Variants in GOLGA4 observed in about 807,000 individuals in gnomAD.
GOLGA4 encodes the protein golgin A4.
GOLGA4 carries 169 observed loss-of-function variants against 265.9 expected under a neutral mutation model. That is an observed-to-expected ratio of 0.64 (90% CI 0.56 to 0.72). The LOEUF (loss-of-function observed/expected upper bound fraction) is 0.72, where lower values mean the gene tolerates loss of function less well. Ranked by LOEUF, GOLGA4 falls within the 30% of genes least tolerant of loss-of-function variation. The probability of loss-of-function intolerance (pLI) is 0.00; values close to 1 mark genes in which losing one functional copy is unlikely to be tolerated. For missense variants in GOLGA4, 2,482 were observed against 2,483.4 expected (o/e 1.00, Z 0.01); for synonymous variants, 923 against 855.8 (o/e 1.08, Z -1.37).
At chr3:37,362,831 A>C (rs1428794390) in intron 23 of GOLGA4, among the ~76,000 whole-genome samples, 1 of 119,488 alleles carries the variant, frequency 8.4e-6, no homozygotes, top group Non-Finnish European at 1.6e-5. Flanking sequence ...CACCCAGGCT[A>C]GAGTGCAGTG....
rs750173994 is a variant in GOLGA4 at position 37,325,004 on chromosome 3, C to T, written c.3118C>T (p.Leu1040Phe). ...TCTTACTGAGGTTCATCGACGAGAACTCAATGATGTCATATCAATCTGGGA... is the reference window on the plus strand; with the variant it reads ...TCTTACTGAGGTTCATCGACGAGAATTCAATGATGTCATATCAATCTGGGA... ...ESLTEVHRRE[L>F]NDVISIWEKK... is the part of the protein sequence containing the mutation. Residue 1040 changes from leucine to phenylalanine, a missense_variant, in exon 14 of 24, where the codon CTC becomes TTC. Leu to Phe is a conservative substitution (Grantham distance 22). Coordinates refer to ENST00000361924, the MANE Select transcript of GOLGA4 (RefSeq NM_002078.5). 3 of 1,612,832 alleles carry T rather than the reference C, an allele frequency of 1.9e-6. No individual in the cohort carries two copies. In the East Asian group the frequency reaches 6.7e-5, roughly 36 times the overall value.
At chr3:37,267,102 G>A (rs759750219) in intron 2 of GOLGA4, among the ~76,000 whole-genome samples, 5 of 152,200 alleles carry the variant, frequency 3.3e-5, no homozygotes, top group Non-Finnish European at 5.9e-5. Flanking sequence ...GTAAATTGCT[G>A]AATTCTGATG....
At chr3:37,329,772 G>C (rs1409205467) in intron 16 of GOLGA4, among the ~76,000 whole-genome samples, 1 of 152,048 alleles carries the variant, frequency 6.6e-6, no homozygotes, top group Non-Finnish European at 1.5e-5. Flanking sequence ...TAGTACTTTG[G>C]ACTAACATTT....
At chr3:37,258,842 G>T (rs1425427202) in intron 2 of GOLGA4, among the ~76,000 whole-genome samples, 5 of 151,974 alleles carry the variant, frequency 3.3e-5, no homozygotes, top group Admixed American at 6.6e-5. Flanking sequence ...AATGTCACTT[G>T]TTTCTTGTAT....
rs1386524182 is a variant in GOLGA4, at chr3:37,326,352, A to G, written c.4466A>G (p.Asp1489Gly). 6 of 1,612,688 alleles carry G rather than the reference A, an allele frequency of 3.7e-6. No individual in the cohort carries two copies. The highest frequency in any genetic ancestry group is 4.2e-6 in the Non-Finnish European group (5 of 1,179,592). ...ATAAATTTATTGAAGGAAGAGCTTGATCAGCAAAATAAAAGATTTGATTGT... is the reference window on the plus strand; with the variant it reads ...ATAAATTTATTGAAGGAAGAGCTTGGTCAGCAAAATAAAAGATTTGATTGT... ...EQINLLKEEL[D>G]QQNKRFDCLK... The change falls in exon 14 of 24, where the codon GAT becomes GGT. Residue 1489 changes from aspartate to glycine, a missense_variant. Transcript: ENST00000361924.
chr3:37,258,037 A>G lies in GOLGA4; in HGVS notation c.162+6553A>G, dbSNP rs533680353. ...TATATATATGTATGTATATATGTAT[A>G]TATACATACATATATATATGTATGT... is the stretch of plus-strand genomic sequence containing the variant. On this transcript the variant is annotated intron_variant, in intron 2 of 23. Coordinates refer to ENST00000361924, the MANE Select transcript of GOLGA4 (RefSeq NM_002078.5). Among the ~76,000 whole-genome samples, 410 of 68,078 alleles carry G rather than the reference A, an allele frequency of 6.0e-3. 50 individuals are homozygous for G. The highest frequency in any genetic ancestry group is 0.01 in the Non-Finnish European group (346 of 32,996). 44.7% of individuals were successfully genotyped at this position (68,078 alleles called of 152,430 possible).
chr3:37,344,492 CTTTTTTTT>C (rs56761489), intron 20 of GOLGA4, among the ~76,000 whole-genome samples: 2 of 118,204 alleles, frequency 1.7e-5, no homozygotes, highest in African/African-American at 3.2e-5. Context: ...ACCTCACTGT[CTTTTTTTT>C]TTTTTTTTTT....
intron 2 of GOLGA4, among the ~76,000 whole-genome samples, chr3:37,262,661 G>A (rs1443859332): frequency 1.3e-5 from 2 of 152,116 alleles, no homozygotes; most frequent in African/African-American, 4.8e-5. Flanking sequence ...CCAGCAGTTT[G>A]GGAGGCGGAG....
intron 2 of GOLGA4, among the ~76,000 whole-genome samples, chr3:37,279,057 G>A (rs992569163): frequency 1.3e-5 from 2 of 152,136 alleles, no homozygotes; most frequent in African/African-American, 4.8e-5. Flanking sequence ...TATACACAAA[G>A]ACGGGGGGAT....
intron 2 of GOLGA4, among the ~76,000 whole-genome samples, chr3:37,274,203 A>C (rs561748276): frequency 6.6e-6 from 1 of 152,104 alleles, no homozygotes; most frequent in South Asian, 2.1e-4. Context: ...GGAGGTAGCC[A>C]TATTGAGAGA....
At chr3:37,344,492 C>CTTTTT (rs56761489) in intron 20 of GOLGA4, among the ~76,000 whole-genome samples, 6 of 118,200 alleles carry the variant, frequency 5.1e-5, no homozygotes, top group Admixed American at 9.0e-5. Flanking sequence ...ACCTCACTGT[C>CTTTTT]TTTTTTTTTT....
intron 23 of GOLGA4, among the ~76,000 whole-genome samples, chr3:37,365,235 A>C (rs1174679057): frequency 6.6e-6 from 1 of 152,070 alleles, no homozygotes; most frequent in African/African-American, 2.4e-5. Flanking sequence ...TAATCAGCAC[A>C]CTGGATAAGA....
chr3:37,362,221 ATTTATTTATTTAT>A (rs776752475), intron 23 of GOLGA4, among the ~76,000 whole-genome samples: 10,993 of 141,710 alleles, frequency 0.078, 627 homozygotes, highest in Admixed American at 0.14. Context: ...TTATTTATTT[ATTTATTTATTTAT>A]TTATTATTTT....
At chr3:37,334,863 G>A (rs1042844131) in intron 16 of GOLGA4, among the ~76,000 whole-genome samples, 190 bp from the exon 17 acceptor site, 15 of 152,044 alleles carry the variant, frequency 9.9e-5, no homozygotes, top group Admixed American at 7.2e-4. Flanking sequence ...ATGAAGGAAA[G>A]TGTTTAGAGC....
chr3:37,322,388 T>C (rs1442075940), intron 13 of GOLGA4, among the ~76,000 whole-genome samples: 1 of 152,086 alleles, frequency 6.6e-6, no homozygotes, highest in African/African-American at 2.4e-5. Context: ...TGTCCCAGAG[T>C]GTACGTTTTT....
chr3:37,329,223 T>G, intron 16 of GOLGA4, 130 bp downstream of exon 16: 1 of 667,516 alleles, frequency 1.5e-6, no homozygotes, highest in Non-Finnish European at 2.5e-6. Flanking sequence ...TCAATATTAT[T>G]CAAATTAGTA....
intron 10 of GOLGA4, among the ~76,000 whole-genome samples, chr3:37,308,936 T>G (rs1481305636): frequency 6.6e-6 from 1 of 151,990 alleles, no homozygotes. Flanking sequence ...TTTAACAATA[T>G]TTGTTTAATT....
chr3:37,299,528 A>G (rs941357581), intron 9 of GOLGA4, among the ~76,000 whole-genome samples, 157 bp downstream of exon 9: 6 of 152,208 alleles, frequency 3.9e-5, no homozygotes, highest in Non-Finnish European at 5.9e-5. Flanking sequence ...TGTAACTACT[A>G]GCATTAGTTT....
At position 37,285,989 on chromosome 3, in the gene GOLGA4, AATGTTGTTG is replaced by A; in HGVS notation, c.478-21_478-13del. 1 of 1,390,082 alleles carries A rather than the reference AATGTTGTTG, an allele frequency of 7.2e-7. No individual in the cohort carries two copies. Among genetic ancestry groups the A allele is most frequent in the Admixed American group, 2.0e-5 (1 of 50,002 alleles). The allele number at this position is 1,390,082 out of a possible 1,614,324, so 86.1% of individuals were successfully genotyped here. On this transcript the variant is annotated splice_polypyrimidine_tract_variant and intron_variant, in intron 3 of 23. Transcript: ENST00000361924. ...TAATTGCATTTATTTAGGAATGACT[AATGTTGTTG>A]ATGACTATATTTTAGCTTGTTACAG...
Sources: allele counts gnomAD v4.1 joint callset (sites outside exome capture counted in the v4.1 genomes callset), GRCh38; gene constraint gnomAD v4.1.1; transcripts MANE v1.5; gene names NCBI Gene and HGNC (gene_info 2026-07-23, HGNC 2026-07-21).